GNB4: variants seen among roughly 807,000 people sequenced by gnomAD.
GNB4 encodes the protein guanine nucleotide-binding protein subunit beta-4.
Under a neutral mutation model 45.2 loss-of-function variants are expected in GNB4, and 28 were observed. That is an observed-to-expected ratio of 0.62 (90% confidence interval 0.46 to 0.85). The LOEUF (loss-of-function observed/expected upper bound fraction) is 0.85. Ranked by LOEUF, GNB4 falls within the 40% of genes least tolerant of loss-of-function variation. The pLI is 0.00. For synonymous variants in GNB4, 132 were observed against 143.7 expected, an observed-to-expected ratio of 0.92 and a Z score of 0.58; for missense variants, 321 against 425.4, an observed-to-expected ratio of 0.75 and a Z score of 2.16.
chr3:179,514,298 C>T, the GNB4 span, among the ~76,000 whole-genome samples: 2 of 152,106 alleles, frequency 1.3e-5, no homozygotes, highest in Non-Finnish European at 2.9e-5. Flanking sequence ...AGTCAAGGAA[C>T]AGAATGAATC....
chr3:179,405,174 G>C lies in GNB4; in HGVS notation c.916+16C>G, dbSNP rs749160674. On this transcript the variant is annotated intron_variant, in intron 9 of 9. Transcript: ENST00000232564. ...CTTCCTGAAAATCAGAACCTAATGT[G>C]GACTTATTTACTAACCTGCACGATC... 2.5e-6 allele frequency: 4 copies of C among 1,591,836 alleles called. No homozygotes were observed. The highest frequency in any genetic ancestry group is 3.4e-6 in the Non-Finnish European group (4 of 1,162,470).
chr3:179,407,881 A>G (rs919105144), intron 8 of GNB4, among the ~76,000 whole-genome samples: 2 of 152,212 alleles, frequency 1.3e-5, no homozygotes, highest in Non-Finnish European at 2.9e-5. Flanking sequence ...ACCTCATTAT[A>G]CACCGGAAAA....
intron 8 of GNB4, among the ~76,000 whole-genome samples, chr3:179,409,641 C>G (rs1714585227): frequency 6.6e-6 from 1 of 151,882 alleles, no homozygotes; most frequent in South Asian, 2.1e-4. Context: ...GAAACCCCTT[C>G]TCTACTAAAA....
intron 3 of GNB4, among the ~76,000 whole-genome samples, chr3:179,420,554 C>T (rs1167338161): frequency 1.3e-5 from 2 of 151,656 alleles, no homozygotes; most frequent in African/African-American, 4.8e-5. Context: ...CCTCTGCCTC[C>T]TGGGTTCAAG....
chr3:179,478,149 C>T, the GNB4 span, among the ~76,000 whole-genome samples: 1 of 152,182 alleles, frequency 6.6e-6, no homozygotes. Flanking sequence ...ACCAAACTCA[C>T]TTCTAGAACA....
At chr3:179,489,600 C>T in the GNB4 span, among the ~76,000 whole-genome samples, 1 of 152,076 alleles carries the variant, frequency 6.6e-6, no homozygotes, top group Admixed American at 6.6e-5. Context: ...ATGATTCTGC[C>T]ACTCTATTCT....
intron 1 of GNB4, among the ~76,000 whole-genome samples, chr3:179,433,776 A>G (rs561485674): frequency 2.4e-4 from 37 of 152,340 alleles, no homozygotes; most frequent in African/African-American, 8.9e-4. Context: ...ATTAGCATCT[A>G]GAATTTTTAA....
intron 9 of GNB4, among the ~76,000 whole-genome samples, chr3:179,401,960 GATTA>G (rs1387581139): frequency 6.6e-6 from 1 of 152,066 alleles, no homozygotes; most frequent in Non-Finnish European, 1.5e-5. Context: ...AATACAGTAA[GATTA>G]ATAAGAAAAA....
At chr3:179,472,370 C>CT in the GNB4 span, among the ~76,000 whole-genome samples, 74 of 134,150 alleles carry the variant, frequency 5.5e-4, 1 homozygote, top group South Asian at 6.8e-4. Flanking sequence ...TTCTTTCTTT[C>CT]TTTTTTTTTT....
chr3:179,488,188 A>G, the GNB4 span, among the ~76,000 whole-genome samples: 1 of 152,164 alleles, frequency 6.6e-6, no homozygotes, highest in East Asian at 1.9e-4. Flanking sequence ...AAGACTACCG[A>G]CCATGGACTG....
At chr3:179,493,211 C>G in the GNB4 span, among the ~76,000 whole-genome samples, 12 of 152,242 alleles carry the variant, frequency 7.9e-5, no homozygotes, top group African/African-American at 1.9e-4. Flanking sequence ...CAAAAAATTT[C>G]TAGTAACCAA....
the GNB4 span, among the ~76,000 whole-genome samples, chr3:179,457,042 A>G: frequency 2.6e-5 from 4 of 152,158 alleles, no homozygotes; most frequent in African/African-American, 9.7e-5. Flanking sequence ...CTGCGGACCA[A>G]CTCTTACTCT....
At chr3:179,506,020 T>C in the GNB4 span, among the ~76,000 whole-genome samples, 4 of 152,144 alleles carry the variant, frequency 2.6e-5, no homozygotes, top group Admixed American at 1.3e-4. Context: ...AAGATACAGG[T>C]TTATTAAAAA....
the GNB4 span, among the ~76,000 whole-genome samples, chr3:179,512,468 A>AT: frequency 1.3e-5 from 2 of 152,234 alleles, no homozygotes; most frequent in Admixed American, 1.3e-4. Context: ...CATTAAAAAA[A>AT]AGTCAATCCA....
chr3:179,495,504 A>AGAAAG, the GNB4 span, among the ~76,000 whole-genome samples: 4 of 150,754 alleles, frequency 2.7e-5, no homozygotes, highest in East Asian at 1.9e-4. Flanking sequence ...AAGAAAGAAA[A>AGAAAG]GAAAGGAAAG....
At chr3:179,448,781 T>C (rs1480551067) in intron 1 of GNB4, among the ~76,000 whole-genome samples, 4 of 152,072 alleles carry the variant, frequency 2.6e-5, no homozygotes, top group South Asian at 2.1e-4. Context: ...CAAGGTGAGG[T>C]AGAGAAATGA....
intron 1 of GNB4, among the ~76,000 whole-genome samples, chr3:179,439,754 T>A (rs1715551910): frequency 6.6e-6 from 1 of 152,236 alleles, no homozygotes; most frequent in African/African-American, 2.4e-5. Context: ...CGATTTCTCA[T>A]ATGAAAATTG....
intron 2 of GNB4, among the ~76,000 whole-genome samples, chr3:179,423,528 A>G (rs980449455): frequency 6.6e-6 from 1 of 152,248 alleles, no homozygotes; most frequent in African/African-American, 2.4e-5. Flanking sequence ...TTACGCCTGT[A>G]ATCCCAGCAC....
intron 1 of GNB4, among the ~76,000 whole-genome samples, chr3:179,445,834 T>C (rs1326083794): frequency 6.6e-6 from 1 of 152,192 alleles, no homozygotes; most frequent in Admixed American, 6.5e-5. Flanking sequence ...TGGGAGTTTG[T>C]CCTTACCCAG....
Sources: gnomAD v4.1 joint callset for allele counts (sites outside exome capture counted in the v4.1 genomes callset) on GRCh38, gnomAD v4.1.1 for gene constraint, MANE v1.5 for transcripts, NCBI Gene and HGNC (gene_info 2026-07-23, HGNC 2026-07-21) for gene names.